VANGL2: variants seen among roughly 807,000 people sequenced by gnomAD.
VANGL2 encodes the protein vang-like protein 2.
In VANGL2, 14 loss-of-function variants were observed where a neutral mutation model predicts 50.2. The ratio of observed to expected loss-of-function variants is 0.28; its 90% CI spans 0.18 to 0.44. The LOEUF (loss-of-function observed/expected upper bound fraction) is 0.44, where lower values mean the gene tolerates loss of function less well. Among genes scored for constraint, VANGL2 ranks in the 20% least tolerant of loss-of-function variants. The pLI is 1.00. For synonymous variants in VANGL2, 295 were observed against 297.2 expected, an observed-to-expected ratio of 0.99 and a Z score of 0.08; for missense variants, 533 against 701.5, an observed-to-expected ratio of 0.76 and a Z score of 2.71.
At chr1:160,423,588 A>G (rs576383248) in intron 6 of VANGL2, among the ~76,000 whole-genome samples, 3 of 152,230 alleles carry the variant, frequency 2.0e-5, no homozygotes, top group Admixed American at 6.5e-5. Flanking sequence ...CATGTTCTAG[A>G]TCTGAATCCC....
Position 160,419,661 on chromosome 1 carries a change from G to T in VANGL2, c.800+52G>T. ...TGGGAGGGAAAGGGCATGGGAGGAT[G>T]TGGAGTGACTGCTAGGGTGGGAGGG... On this transcript the variant is annotated intron_variant, in intron 4 of 7. Transcript: ENST00000368061. This position sits in a 1 kb window ranked among gnomAD's most constrained non-coding sequence, Gnocchi z 5.8. The T allele has an allele frequency of 6.3e-7, 1 of 1,588,914 alleles. No individual in the cohort carries two copies. The highest frequency in any genetic ancestry group is 8.5e-7 in the Non-Finnish European group (1 of 1,175,900).
In VANGL2 at chr1:160,427,704, A is replaced by T. The variant is rs1269967267; in HGVS notation, c.*2326A>T. 6.6e-6 allele frequency: 1 copy of T among 152,278 alleles called. No individual in the cohort carries two copies. The allele number at this position is 152,278 out of a possible 1,614,324, so 9.4% of individuals were successfully genotyped here. A position where few individuals can be genotyped will look rare whatever the true frequency, so the allele number is the denominator to read the frequency against. The stretch of plus-strand genomic sequence containing the variant: ...TGAACTGCTGTGGGGTGTGCAGCTG[A>T]CTCAGTCCCTCTGAGCAGTTTCCCC... On this transcript the variant is annotated 3_prime_UTR_variant, in exon 8 of 8. Transcript: ENST00000368061.
chr1:160,424,178 T>C lies in VANGL2; in HGVS notation c.1200T>C (p.Arg400=). The change falls in exon 7 of 8, where the codon CGT becomes CGC. Residue 400 remains arginine, a synonymous_variant. Coordinates refer to ENST00000368061, the MANE Select transcript of VANGL2 (RefSeq NM_020335.3). ...AAQAIFASMA[R]AMQKYLRTTK... ...AAGCCATCTTTGCATCCATGGCCCG[T>C]GCCATGCAGAAGTACCTTCGGACCA... is the stretch of plus-strand genomic sequence containing the variant. 2 of 1,614,086 alleles carry C rather than the reference T, an allele frequency of 1.2e-6. No homozygotes were observed. The highest frequency in any genetic ancestry group is 1.7e-6 in the Non-Finnish European group (2 of 1,180,006).
rs1042700832 is a variant in VANGL2 at position 160,427,808 on chromosome 1, C to T, written c.*2430C>T. ...ATGCCCACCTCTTACCCCCTTGACACCATAGGGCTGCTGTGGCTGGGCCTC... is the reference window on the plus strand; with the variant it reads ...ATGCCCACCTCTTACCCCCTTGACATCATAGGGCTGCTGTGGCTGGGCCTC... On this transcript the variant is annotated 3_prime_UTR_variant, in exon 8 of 8. Transcript: ENST00000368061. The T allele has an allele frequency of 1.3e-5, 2 of 152,606 alleles. No individual in the cohort carries two copies. The highest frequency in any genetic ancestry group is 2.9e-5 in the Non-Finnish European group (2 of 68,118). 9.5% of individuals were successfully genotyped at this position (152,606 alleles called of 1,614,324 possible).
chr1:160,420,102 G>A (rs12092939), intron 4 of VANGL2, among the ~76,000 whole-genome samples: 3,291 of 152,186 alleles, frequency 0.022, 103 homozygotes, highest in African/African-American at 0.076. Flanking sequence ...TCAGTGGCAC[G>A]TCCTGGGTCC....
chr1:160,419,033 T>G lies in VANGL2; in HGVS notation c.224T>G (p.Val75Gly), dbSNP rs749513714. The G allele has an allele frequency of 9.9e-6, 16 of 1,610,068 alleles. No individual in the cohort carries two copies. The highest frequency in any genetic ancestry group is 1.3e-5 in the Non-Finnish European group (15 of 1,176,870). The change falls in exon 4 of 8, where the codon GTA (valine) becomes GGA (glycine). Residue 75 changes from valine to glycine, a missense_variant. Val to Gly is a moderately radical substitution (Grantham distance 109). Coordinates refer to ENST00000368061, the MANE Select transcript of VANGL2 (RefSeq NM_020335.3). The surrounding 1 kb of genome is among the most constrained non-coding windows in gnomAD (Gnocchi z 5.8). ...AACTGGGGGGAAACGACGACAGTAG[T>G]AACGGGCACCTCAGAGCACAGCATC... ...DDNWGETTTV[V>G]TGTSEHSISH...
intron 7 of VANGL2, among the ~76,000 whole-genome samples, chr1:160,424,546 G>C (rs1406807312): frequency 6.6e-6 from 1 of 152,102 alleles, no homozygotes; most frequent in Non-Finnish European, 1.5e-5. Flanking sequence ...CTCTATGAGG[G>C]CTCCGGAATT....
chr1:160,420,746 A>C (rs1365220441), intron 5 of VANGL2, among the ~76,000 whole-genome samples, 199 bp downstream of exon 5: 1 of 152,036 alleles, frequency 6.6e-6, no homozygotes, highest in Non-Finnish European at 1.5e-5. Flanking sequence ...ATGCTATGGC[A>C]TGTCCCCTGA....
intron 1 of VANGL2, among the ~76,000 whole-genome samples, chr1:160,404,231 A>G (rs949441538): frequency 1.3e-5 from 2 of 152,130 alleles, no homozygotes; most frequent in African/African-American, 2.4e-5. Context: ...AGGGGCAAAT[A>G]AGATGTTTTC....
At chr1:160,408,787 T>G (rs1025620512) in intron 1 of VANGL2, among the ~76,000 whole-genome samples, 6 of 152,158 alleles carry the variant, frequency 3.9e-5, no homozygotes, top group Non-Finnish European at 7.4e-5. Context: ...TGGGCAGCAC[T>G]GTCACCCAAG....
rs1651200188 is a variant in VANGL2 at position 160,419,704 on chromosome 1, G to A, written c.800+95G>A. ...TGGGAGGGTATGATGGTGGGCTGGA[G>A]GTGATGGGCTTGGAGGGTTGTGTGG... is the stretch of plus-strand genomic sequence containing the variant. On this transcript the variant is annotated intron_variant, in intron 4 of 7. Transcript: ENST00000368061. The surrounding 1 kb of genome is among the most constrained non-coding windows in gnomAD (Gnocchi z 5.8). The A allele has an allele frequency of 6.6e-7, 1 of 1,513,482 alleles. No homozygotes were observed. The allele number at this position is 1,513,482 out of a possible 1,614,324, so 93.8% of individuals were successfully genotyped here.
In VANGL2 at chr1:160,415,900, C is replaced by A; in HGVS notation, c.63C>A (p.Arg21=). ...SYKSGHSRSS[R]KHRDRRDRHR... ...AGTCGGGCCACTCCCGCAGCTCCCG[C>A]AAGCACAGGTGGGCAGGCATGCAGG... The change falls in exon 2 of 8, where the codon CGC becomes CGA. Residue 21 remains arginine, a synonymous_variant. Coordinates refer to ENST00000368061, the MANE Select transcript of VANGL2 (RefSeq NM_020335.3). 6.2e-7 allele frequency: 1 copy of A among 1,614,176 alleles called. No individual in the cohort carries two copies.
rs549818122 is a variant in VANGL2, at chr1:160,416,180, C to G, written c.190C>G (p.Arg64Gly). 1.2e-6 allele frequency: 2 copies of G among 1,614,082 alleles called. No homozygotes were observed. The highest frequency in any genetic ancestry group is 3.3e-5 in the Admixed American group (2 of 60,018). The change falls in exon 3 of 8, where the codon CGG becomes GGG. Residue 64 changes from arginine (R) to glycine (G), a missense_variant and splice_region_variant. By Grantham distance (125) the Arg-to-Gly change is moderately radical (BLOSUM62 -2). Coordinates refer to ENST00000368061, the MANE Select transcript of VANGL2 (RefSeq NM_020335.3). ...CAATGAGTCCACACGAGGGGATGAGCGGGTGAGCACTGGGGATGCGGTGGT... is the reference window on the plus strand; with the variant it reads ...CAATGAGTCCACACGAGGGGATGAGGGGGTGAGCACTGGGGATGCGGTGGT... ...LDNESTRGDE[R>G]DDNWGETTTV...
intron 3 of VANGL2, among the ~76,000 whole-genome samples, chr1:160,417,428 G>A (rs529489559): frequency 6.6e-6 from 1 of 152,306 alleles, no homozygotes; most frequent in African/African-American, 2.4e-5. Flanking sequence ...AACAGCTTGA[G>A]CAGACCACAC....
intron 1 of VANGL2, 36 bp downstream of exon 1, chr1:160,400,905 G>C (rs1482997235): frequency 4.0e-5 from 6 of 149,648 alleles, no homozygotes; most frequent in Admixed American, 6.6e-5. Context: ...GGCAAAGTTT[G>C]AAAAAAAAAG....
At position 160,419,494 on chromosome 1, in the gene VANGL2, G is replaced by T; in HGVS notation, c.685G>T (p.Val229Leu). The T allele has an allele frequency of 1.2e-6, 2 of 1,604,860 alleles. No individual in the cohort carries two copies. The highest frequency in any genetic ancestry group is 1.7e-6 in the Non-Finnish European group (2 of 1,179,958). ...GTCGCTGGTGGACGCCCTTCTTTTC[G>T]TGCACTACCTGGCCGTGGTCCTGCT... is the stretch of plus-strand genomic sequence containing the variant. Reference protein sequence around the residue: ...AVSLVDALLFVHYLAVVLLEL... With the variant: ...AVSLVDALLFLHYLAVVLLEL... Residue 229 changes from valine to leucine, a missense_variant, in exon 4 of 8, where the codon GTG (valine) becomes TTG (leucine). Transcript: ENST00000368061. The surrounding 1 kb of genome is among the most constrained non-coding windows in gnomAD (Gnocchi z 5.8).
In VANGL2 at chr1:160,408,739, C is replaced by G. The variant is rs182380939; in HGVS notation, c.-190-6909C>G. The stretch of plus-strand genomic sequence containing the variant: ...GCTCCCTGCTCTGCCCTTCCCACCC[C>G]TCAGCCCACCAAGATACAGCTGTTC... On this transcript the variant is annotated intron_variant, in intron 1 of 7. Transcript: ENST00000368061. Among the ~76,000 whole-genome samples the G allele has an allele frequency of 3.8e-4, 58 of 152,338 alleles. No individual in the cohort carries two copies. In the East Asian group the frequency reaches 0.011, roughly 28 times the overall value.
In VANGL2 at chr1:160,419,097, G is replaced by A; in HGVS notation, c.288G>A (p.Glu96=). 1 of 1,614,172 alleles carries A rather than the reference G, an allele frequency of 6.2e-7. No individual in the cohort carries two copies. Among genetic ancestry groups the A allele is most frequent in the African/African-American group, 1.3e-5 (1 of 75,068 alleles). ...DDLTRIAKDM[E]DSVPLDCSRH... ...TCACACGCATCGCCAAGGACATGGA[G>A]GACAGTGTCCCTCTGGACTGCTCCC... is the stretch of plus-strand genomic sequence containing the variant. Residue 96 remains glutamate (E), a synonymous_variant, in exon 4 of 8, where the codon GAG becomes GAA. Transcript: ENST00000368061. The surrounding 1 kb of genome is among the most constrained non-coding windows in gnomAD (Gnocchi z 5.8).
chr1:160,403,367 T>C (rs1040288010), intron 1 of VANGL2, among the ~76,000 whole-genome samples: 9 of 152,208 alleles, frequency 5.9e-5, no homozygotes, highest in African/African-American at 2.2e-4. Flanking sequence ...AAATGCCATT[T>C]CTGAAAGTAC....
Sources: gnomAD v4.1 joint callset for allele counts (sites outside exome capture counted in the v4.1 genomes callset) on GRCh38, gnomAD v4.1.1 for gene constraint, Gnocchi (gnomAD v3.1) non-coding constraint, MANE v1.5 for transcripts, NCBI Gene and HGNC (gene_info 2026-07-23, HGNC 2026-07-21) for gene names.